GAREM1: variants seen among roughly 807,000 people sequenced by gnomAD.
GAREM1 encodes the protein GRB2 associated regulator of MAPK1 subtype 1.
A neutral mutation model predicts 71.3 loss-of-function variants in GAREM1; 26 were observed. The ratio of observed to expected loss-of-function variants is 0.36; its 90% confidence interval spans 0.27 to 0.51. The LOEUF (loss-of-function observed/expected upper bound fraction) is 0.51, where lower values mean the gene tolerates loss of function less well. Among genes scored for constraint, GAREM1 ranks in the 20% least tolerant of loss-of-function variants. The probability of loss-of-function intolerance (pLI) is 0.95; values close to 1 mark genes in which losing one functional copy is unlikely to be tolerated. For synonymous variants in GAREM1, 440 were observed against 433.2 expected, an observed-to-expected ratio of 1.02 and a Z score of -0.20; for missense variants, 1,026 against 1,103.1, an observed-to-expected ratio of 0.93 and a Z score of 0.99.
At chr18:32,412,369 A>G in intron 1 of GAREM1, 5 of 1,592,028 alleles carry the variant, frequency 3.1e-6, no homozygotes, top group Non-Finnish European at 4.3e-6. Flanking sequence ...AAATTTGAAG[A>G]CTGATTGTTG....
chr18:32,336,378 G>A (rs1051059051), intron 2 of GAREM1, among the ~76,000 whole-genome samples: 8 of 144,448 alleles, frequency 5.5e-5, no homozygotes, highest in Admixed American at 2.9e-4. Context: ...TGCAGTGAGC[G>A]AAGATCGCGC....
In GAREM1 at chr18:32,470,871, C is replaced by T. The variant is rs2049049025; in HGVS notation, c.-443G>A. On this transcript the variant is annotated 5_prime_UTR_variant, in exon 1 of 6. Coordinates refer to ENST00000269209, the MANE Select transcript of GAREM1 (RefSeq NM_001242409.2). This position sits in a 1 kb window ranked among gnomAD's most constrained non-coding sequence, Gnocchi z 4.4. ...TCTGAGAAACGCCATAGCAGCGCTCCCAGCACTGACTAATCAACAAGGTGC... is the reference window on the plus strand; with the variant it reads ...TCTGAGAAACGCCATAGCAGCGCTCTCAGCACTGACTAATCAACAAGGTGC... Among the ~76,000 whole-genome samples the T allele has an allele frequency of 6.6e-6, 1 of 150,942 alleles. No individual in the cohort carries two copies. Among genetic ancestry groups the T allele is most frequent in the Non-Finnish European group, 1.5e-5 (1 of 67,582 alleles).
intron 2 of GAREM1, among the ~76,000 whole-genome samples, chr18:32,324,734 GAC>G (rs2047459680): frequency 6.6e-6 from 1 of 152,128 alleles, no homozygotes; most frequent in African/African-American, 2.4e-5. Context: ...CAAGGTTAGA[GAC>G]ACATTTTCAC....
In GAREM1 at chr18:32,457,224, A is replaced by ATGTGTGTGT. The variant is rs1555648700; in HGVS notation, c.121+13083_121+13084insACACACACA. Among the ~76,000 whole-genome samples, 132 of 107,408 alleles carry ATGTGTGTGT rather than the reference A, an allele frequency of 1.2e-3. 1 individual carries two copies. The highest frequency in any genetic ancestry group is 2.1e-3 in the Non-Finnish European group (114 of 53,742). The allele number at this position is 107,408 out of a possible 152,430, so 70.5% of individuals were successfully genotyped here. Reference sequence around the variant, plus strand: ...TAGGGGGGGAGAGAGAGAGAGAGAGAGAGTGTGTGTGTGTGTGTGTGTGTG... The same window carrying ATGTGTGTGT: ...TAGGGGGGGAGAGAGAGAGAGAGAGATGTGTGTGTGAGTGTGTGTGTGTGTGTGTGTGTG... On this transcript the variant is annotated intron_variant, in intron 1 of 5. Transcript: ENST00000269209.
Position 32,268,875 on chromosome 18 carries a change from T to C in GAREM1, c.1734-107A>G, listed in dbSNP as rs186254319. 54 of 865,542 alleles carry C rather than the reference T, an allele frequency of 6.2e-5. No individual in the cohort carries two copies. The African/African-American group carries it at 8.2e-4, about 13-fold the overall frequency. 53.6% of individuals were successfully genotyped at this position (865,542 alleles called of 1,614,324 possible). A position where few individuals can be genotyped will look rare whatever the true frequency, so the allele number is the denominator to read the frequency against. On this transcript the variant is annotated intron_variant, in intron 5 of 5. Transcript: ENST00000269209. ...GCTGAGTAGAAAAGCGCAGTTAGTT[T>C]TGAATTCAATAAAATTCCTGCTAAC...
At chr18:32,285,810 T>C (rs2047009285) in intron 4 of GAREM1, among the ~76,000 whole-genome samples, 1 of 152,226 alleles carries the variant, frequency 6.6e-6, no homozygotes, top group African/African-American at 2.4e-5. Flanking sequence ...TTGATGATTG[T>C]ATTTCTAGCA....
At chr18:32,338,766 G>C (rs923685997) in intron 2 of GAREM1, among the ~76,000 whole-genome samples, 1 of 152,184 alleles carries the variant, frequency 6.6e-6, no homozygotes, top group African/African-American at 2.4e-5. Flanking sequence ...AGCTTACTGA[G>C]TGTGATGGTT....
chr18:32,395,738 C>T (rs1375900220), intron 1 of GAREM1, among the ~76,000 whole-genome samples: 2 of 152,164 alleles, frequency 1.3e-5, no homozygotes, highest in Non-Finnish European at 2.9e-5. Context: ...CCTATGGGGG[C>T]AGGGCATAGC....
At chr18:32,405,109 TTA>T (rs1169399572) in intron 1 of GAREM1, among the ~76,000 whole-genome samples, 2 of 152,230 alleles carry the variant, frequency 1.3e-5, no homozygotes, top group Non-Finnish European at 2.9e-5. Context: ...ATAATTTTAA[TTA>T]TGTTTACTTG....
At chr18:32,445,334 GGCTAAAGA>G (rs146422911) in intron 1 of GAREM1, among the ~76,000 whole-genome samples, 6,526 of 151,938 alleles carry the variant, frequency 0.043, 471 homozygotes, top group East Asian at 0.34. Flanking sequence ...GCAAAAAAAA[GGCTAAAGA>G]GCTATTATCT....
At position 32,368,492 on chromosome 18, in the gene GAREM1, A is replaced by C. The variant is rs17805863; in HGVS notation, c.262+24403T>G. ...GCCAAAATTCTGCCTAGTAGAATTA[A>C]AAGAGAGGGTTCAAGATTTCTTCAG... On this transcript the variant is annotated intron_variant, in intron 2 of 5. Transcript: ENST00000269209. 3.5e-3 allele frequency among the ~76,000 whole-genome samples: 537 copies of C among 152,318 alleles called. 11 individuals are homozygous for C. The highest frequency in any genetic ancestry group is 0.027 in the East Asian group (142 of 5,192).
rs140996840 is a variant in GAREM1, at chr18:32,287,177, C to T, written c.1420G>A (p.Glu474Lys). The T allele has an allele frequency of 1.9e-5, 31 of 1,614,092 alleles. No homozygotes were observed. Among genetic ancestry groups the T allele is most frequent in the Middle Eastern group, 1.6e-4 (1 of 6,084 alleles). The change falls in exon 4 of 6, where the codon GAG (glutamate) becomes AAG (lysine). Residue 474 changes from glutamate (E) to lysine (K), a missense_variant. Transcript: ENST00000269209. The surrounding 1 kb of genome is among the most constrained non-coding windows in gnomAD (Gnocchi z 5.9). ...SHQPLTRSLS[E>K]KNRCDQFRGS... is the part of the protein sequence containing the mutation. ...CTAAACTGATCACATCTGTTCTTCT[C>T]GCTCAGAGAGCGAGTGAGAGGCTGA...
chr18:32,404,615 T>C (rs1454423587), intron 1 of GAREM1, among the ~76,000 whole-genome samples: 1 of 152,242 alleles, frequency 6.6e-6, no homozygotes, highest in Non-Finnish European at 1.5e-5. Flanking sequence ...ACTAGCTTGG[T>C]CAACCATCTG....
chr18:32,426,279 A>G (rs1182458842), intron 1 of GAREM1, among the ~76,000 whole-genome samples: 1 of 152,122 alleles, frequency 6.6e-6, no homozygotes, highest in Non-Finnish European at 1.5e-5. Context: ...TCAGCCTCCC[A>G]AAGTGCTGGG....
chr18:32,340,129 C>T (rs1260734901), intron 2 of GAREM1, among the ~76,000 whole-genome samples: 2 of 152,226 alleles, frequency 1.3e-5, no homozygotes, highest in Middle Eastern at 3.2e-3. Context: ...TACTCCAAAC[C>T]TGGCCTTACT....
At chr18:32,307,248 G>A (rs620723) in intron 3 of GAREM1, among the ~76,000 whole-genome samples, 31,995 of 151,744 alleles carry the variant, frequency 0.21, 4,403 homozygotes, top group African/African-American at 0.39. Context: ...ATGATGCCAG[G>A]TAACTATCAA....
Position 32,265,249 on chromosome 18 carries a change from C to T in GAREM1, c.*2622G>A, listed in dbSNP as rs7505407. On this transcript the variant is annotated 3_prime_UTR_variant, in exon 6 of 6. Coordinates refer to ENST00000269209, the MANE Select transcript of GAREM1 (RefSeq NM_001242409.2). ...ATATTTATTACAATTAAAAGAATTC[C>T]AGGTCAGTAAAAAAAACAAAAAACA... The T allele has an allele frequency of 1.3e-5, 2 of 151,956 alleles. No individual in the cohort carries two copies. Among genetic ancestry groups the T allele is most frequent in the Non-Finnish European group, 2.9e-5 (2 of 68,058 alleles). The allele number at this position is 151,956 out of a possible 1,614,324, so 9.4% of individuals were successfully genotyped here.
chr18:32,316,611 ATTG>A (rs1316106823), intron 2 of GAREM1, among the ~76,000 whole-genome samples: 1 of 151,918 alleles, frequency 6.6e-6, no homozygotes, highest in Non-Finnish European at 1.5e-5. Context: ...CACCCAGCTA[ATTG>A]TTGTATTTTT....
At chr18:32,436,356 G>T (rs964940650) in intron 1 of GAREM1, among the ~76,000 whole-genome samples, 10 of 152,076 alleles carry the variant, frequency 6.6e-5, no homozygotes, top group African/African-American at 2.4e-4. Flanking sequence ...TTTAGCTCTA[G>T]TTTACCAGTT....
Sources: gnomAD v4.1 joint callset for allele counts (sites outside exome capture counted in the v4.1 genomes callset) on GRCh38, gnomAD v4.1.1 for gene constraint, Gnocchi (gnomAD v3.1) non-coding constraint, MANE v1.5 for transcripts, NCBI Gene and HGNC (gene_info 2026-07-23, HGNC 2026-07-21) for gene names.